TFDP2: variants seen among roughly 807,000 people sequenced by gnomAD.
TFDP2 encodes the protein transcription factor Dp-2 (E2F dimerization partner 2).
In TFDP2, 17 loss-of-function variants were observed where a neutral mutation model predicts 59.3. The observed-to-expected ratio is 0.29, with a 90% CI of 0.20 to 0.43. The LOEUF (loss-of-function observed/expected upper bound fraction) is 0.43. Among genes scored for constraint, TFDP2 ranks in the 20% least tolerant of loss-of-function variants. The probability of loss-of-function intolerance (pLI) is 1.00; values close to 1 mark genes in which losing one functional copy is unlikely to be tolerated. For synonymous variants in TFDP2, 180 were observed against 194.7 expected (o/e 0.92, Z 0.63); for missense variants, 391 against 528.8 (o/e 0.74, Z 2.56).
intron 3 of TFDP2, among the ~76,000 whole-genome samples, chr3:142,059,877 C>T (rs1413711971): frequency 6.6e-6 from 1 of 151,574 alleles, no homozygotes; most frequent in Admixed American, 6.6e-5. Context: ...CAACTGTGTC[C>T]AGCCCCTCTC....
At chr3:142,018,424 G>A (rs151185572) in intron 3 of TFDP2, among the ~76,000 whole-genome samples, 31 of 152,094 alleles carry the variant, frequency 2.0e-4, no homozygotes, top group African/African-American at 6.8e-4. Flanking sequence ...ATGCATGAAA[G>A]TCTCCATTTA....
chr3:141,986,103 C>A (rs180700347), intron 6 of TFDP2, among the ~76,000 whole-genome samples: 1 of 152,152 alleles, frequency 6.6e-6, no homozygotes, highest in Non-Finnish European at 1.5e-5. Context: ...ACTCCTTAGT[C>A]TGAGCTTAGT....
chr3:142,127,304 T>C (rs994687698), intron 1 of TFDP2, among the ~76,000 whole-genome samples: 6 of 105,894 alleles, frequency 5.7e-5, no homozygotes, highest in African/African-American at 1.9e-4. Flanking sequence ...TACACTCCGC[T>C]TTTTTTTTTT....
At position 141,944,509 on chromosome 3, in the gene TFDP2, C is replaced by T. The variant is rs1032478019; in HGVS notation, c.*8004G>A. ...TGATACATTTTTTTCTCAAGAACAA[C>T]TTACACTCATTTGAGATGCTTTTTC... is the stretch of plus-strand genomic sequence containing the variant. On this transcript the variant is annotated 3_prime_UTR_variant, in exon 13 of 13. Coordinates refer to ENST00000489671, the MANE Select transcript of TFDP2 (RefSeq NM_001178139.2). 2.0e-5 allele frequency: 3 copies of T among 152,134 alleles called. No individual in the cohort carries two copies. Among genetic ancestry groups the T allele is most frequent in the African/African-American group, 7.2e-5 (3 of 41,432 alleles). 9.4% of individuals were successfully genotyped at this position (152,134 alleles called of 1,614,324 possible). A position where few individuals can be genotyped will look rare whatever the true frequency, so the allele number is the denominator to read the frequency against.
intron 4 of TFDP2, among the ~76,000 whole-genome samples, chr3:141,995,715 C>A (rs1448893189): frequency 6.6e-6 from 1 of 151,918 alleles, no homozygotes; most frequent in African/African-American, 2.4e-5. Flanking sequence ...GAAAACCTAT[C>A]TCTATTAAAA....
At chr3:142,118,118 G>T (rs2061907124) in intron 1 of TFDP2, among the ~76,000 whole-genome samples, 1 of 152,032 alleles carries the variant, frequency 6.6e-6, no homozygotes, top group Non-Finnish European at 1.5e-5. Context: ...AAGGCAAGGG[G>T]CTGGGGGGAG....
At chr3:142,075,477 C>T (rs1295004566) in intron 3 of TFDP2, among the ~76,000 whole-genome samples, 4 of 152,120 alleles carry the variant, frequency 2.6e-5, no homozygotes, top group Non-Finnish European at 5.9e-5. Context: ...TAGTATCCTG[C>T]GTAGAGCACA....
In TFDP2 at chr3:141,969,089, A is replaced by AT. The variant is rs1559941595; in HGVS notation, c.732+983_732+984insA. Among the ~76,000 whole-genome samples the AT allele has an allele frequency of 3.5e-4, 21 of 60,490 alleles. 3 individuals carry two copies. Among genetic ancestry groups the AT allele is most frequent in the Non-Finnish European group, 6.0e-4 (21 of 35,170 alleles). The allele number at this position is 60,490 out of a possible 152,430, so 39.7% of individuals were successfully genotyped here. On this transcript the variant is annotated intron_variant, in intron 9 of 12. Transcript: ENST00000489671. ...TCATATATATGAGATATATATATATAACATATATATATATCTCATATATAT... is the reference window on the plus strand; with the variant it reads ...TCATATATATGAGATATATATATATATACATATATATATATCTCATATATAT...
At chr3:142,103,194 C>T (rs920985906) in intron 1 of TFDP2, among the ~76,000 whole-genome samples, 1 of 151,678 alleles carries the variant, frequency 6.6e-6, no homozygotes, top group Non-Finnish European at 1.5e-5. Flanking sequence ...GCCGAGAACG[C>T]GCCATTGCAC....
intron 2 of TFDP2, among the ~76,000 whole-genome samples, chr3:142,099,000 AT>A (rs2108638620): frequency 6.6e-6 from 1 of 152,370 alleles, no homozygotes; most frequent in African/African-American, 2.4e-5. Flanking sequence ...TAAAGCATGG[AT>A]AAGACAAAAG....
At chr3:141,964,255 T>C (rs4683653) in intron 9 of TFDP2, among the ~76,000 whole-genome samples, 58,167 of 151,916 alleles carry the variant, frequency 0.38, 12,373 homozygotes, top group African/African-American at 0.59. Flanking sequence ...TTATCTAACA[T>C]AGACTCCTGA....
rs1172292970 is a variant in TFDP2 at position 141,949,514 on chromosome 3, C to CA, written c.*2998dup. On this transcript the variant is annotated 3_prime_UTR_variant, in exon 13 of 13. Coordinates refer to ENST00000489671, the MANE Select transcript of TFDP2 (RefSeq NM_001178139.2). ...GGGAAGAGGAAGGCAGCCTAGTAGG[C>CA]ACCTGGGGCCCGTAAGCGCTGCTGT... 6.6e-6 allele frequency: 1 copy of CA among 152,454 alleles called. No individual in the cohort carries two copies. Among genetic ancestry groups the CA allele is most frequent in the Non-Finnish European group, 1.5e-5 (1 of 68,254 alleles). 9.4% of individuals were successfully genotyped at this position (152,454 alleles called of 1,614,324 possible).
chr3:142,097,469 T>C (rs974749674), intron 2 of TFDP2, among the ~76,000 whole-genome samples: 2 of 152,084 alleles, frequency 1.3e-5, no homozygotes, highest in Non-Finnish European at 2.9e-5. Context: ...GGCAGGAAGA[T>C]TGCTTGAGCC....
intron 4 of TFDP2, among the ~76,000 whole-genome samples, chr3:142,002,323 T>TG (rs1943860678): frequency 6.8e-6 from 1 of 147,538 alleles, no homozygotes; most frequent in African/African-American, 2.5e-5. Context: ...TAGTGTTTTT[T>TG]TTTTTTTTTT....
At chr3:142,127,375 C>T (rs1047641037) in intron 1 of TFDP2, among the ~76,000 whole-genome samples, 4 of 144,846 alleles carry the variant, frequency 2.8e-5, no homozygotes, top group African/African-American at 1.0e-4. Flanking sequence ...GGCAAGATCT[C>T]GGTTTACTGC....
chr3:142,118,899 G>A (rs1215833469), intron 1 of TFDP2, among the ~76,000 whole-genome samples: 1 of 152,142 alleles, frequency 6.6e-6, no homozygotes, highest in African/African-American at 2.4e-5. Flanking sequence ...AGTGGCTCAC[G>A]CCTGTAATCC....
intron 1 of TFDP2, among the ~76,000 whole-genome samples, chr3:142,114,723 C>A (rs777369606): frequency 1.3e-5 from 2 of 151,492 alleles, no homozygotes; most frequent in African/African-American, 4.9e-5. Flanking sequence ...GATGTATGTG[C>A]TCACTACAAA....
At position 142,005,490 on chromosome 3, in the gene TFDP2, A is replaced by C. The variant is rs762164592; in HGVS notation, c.137T>G (p.Ile46Ser). The C allele has an allele frequency of 1.2e-6, 2 of 1,611,578 alleles. No individual in the cohort carries two copies. Among genetic ancestry groups the C allele is most frequent in the Non-Finnish European group, 1.7e-6 (2 of 1,178,574 alleles). ...TATTGGTCCTAAGGTTTTTGGTAAA[A>C]TCTTTGTAGGTGAGTTGGTATTGGA... ...PVSNTNSPTK[I>S]LPKTLGPINV... The change falls in exon 4 of 13, where the codon ATT becomes AGT. Residue 46 changes from isoleucine to serine, a missense_variant. Coordinates refer to ENST00000489671, the MANE Select transcript of TFDP2 (RefSeq NM_001178139.2).
At chr3:142,044,257 C>T (rs1448836460) in intron 3 of TFDP2, 4 of 184,878 alleles carry the variant, frequency 2.2e-5, no homozygotes, top group Admixed American at 1.8e-4. Context: ...TTTTTTGAGC[C>T]GGAGTCTCGC....
Sources: allele counts gnomAD v4.1 joint callset (sites outside exome capture counted in the v4.1 genomes callset), GRCh38; gene constraint gnomAD v4.1.1; transcripts MANE v1.5; gene names NCBI Gene and HGNC (gene_info 2026-07-23, HGNC 2026-07-21).